The following PALD1 variants were observed in gnomAD, a reference collection of about 807,000 sequenced individuals.
The protein encoded by PALD1 is phosphatase domain containing paladin 1.
PALD1 carries 57 observed loss-of-function variants against 96.0 expected under a neutral mutation model. The ratio of observed to expected loss-of-function variants is 0.59; its 90% CI spans 0.48 to 0.74. The LOEUF (loss-of-function observed/expected upper bound fraction) is 0.74. Ranked by LOEUF, PALD1 falls within the 30% of genes least tolerant of loss-of-function variation. PALD1 has a pLI of 0.00. For missense variants in PALD1, 1,063 were observed against 1,143.7 expected (o/e 0.93, Z 1.02); for synonymous variants, 464 against 473.6 (o/e 0.98, Z 0.26).
chr10:70,558,843 G>T (rs1449322614), intron 18 of PALD1, among the ~76,000 whole-genome samples: 1 of 152,162 alleles, frequency 6.6e-6, no homozygotes, highest in Non-Finnish European at 1.5e-5. Flanking sequence ...GAGAAGTGCT[G>T]GTTGCAAGGA....
At position 70,568,369 on chromosome 10, in the gene PALD1, C is replaced by T. The variant is rs1168301729; in HGVS notation, c.*1636C>T. 1.3e-5 allele frequency: 2 copies of T among 149,624 alleles called. No homozygotes were observed. The highest frequency in any genetic ancestry group is 3.0e-5 in the Non-Finnish European group (2 of 67,734). 9.3% of individuals were successfully genotyped at this position (149,624 alleles called of 1,614,324 possible). A position where few individuals can be genotyped will look rare whatever the true frequency, so the allele number is the denominator to read the frequency against. On this transcript the variant is annotated 3_prime_UTR_variant, in exon 20 of 20. Coordinates refer to ENST00000263563, the MANE Select transcript of PALD1 (RefSeq NM_014431.3). ...GAGAATAATACTTGCCTACCTACCT[C>T]ACAGGGGTGTTGTGAGGATTCATTT...
At chr10:70,470,353 T>A in the PALD1 span, among the ~76,000 whole-genome samples, 21 of 152,146 alleles carry the variant, frequency 1.4e-4, no homozygotes, top group East Asian at 3.7e-3. Flanking sequence ...ATTATTAGAA[T>A]GTCAGAAATG....
At chr10:70,476,389 C>T (rs906056426), upstream of PALD1, among the ~76,000 whole-genome samples, 9 of 152,210 alleles carry the variant, frequency 5.9e-5, no homozygotes, top group South Asian at 2.1e-4. Flanking sequence ...CCCAGGCCCA[C>T]GGTGGGGCAG....
upstream of PALD1, among the ~76,000 whole-genome samples, chr10:70,477,188 A>G (rs1845840038): frequency 6.6e-6 from 1 of 152,154 alleles, no homozygotes; most frequent in South Asian, 2.1e-4. Context: ...GGGATGGGAT[A>G]TGGGGCTGTG....
intron 1 of PALD1, among the ~76,000 whole-genome samples, chr10:70,508,599 A>C (rs1364780826): frequency 1.3e-5 from 2 of 152,244 alleles, no homozygotes; most frequent in Non-Finnish European, 2.9e-5. Flanking sequence ...AGTGAGGAGC[A>C]GGAGAACCCT....
Position 70,520,695 on chromosome 10 carries a change from T to C in PALD1, c.-29-5228T>C, listed in dbSNP as rs561750118. ...TTCTTTTCTTTCTTTCTTTTTTTTT[T>C]TTTTTTTTTTTTTGCGGTGGAGTGT... On this transcript the variant is annotated intron_variant, in intron 1 of 19. Transcript: ENST00000263563. 9.1e-3 allele frequency among the ~76,000 whole-genome samples: 1,317 copies of C among 145,358 alleles called. 31 individuals are homozygous for C. The highest frequency in any genetic ancestry group is 0.032 in the African/African-American group (1,258 of 39,710).
chr10:70,560,113 T>A (rs1353992100), intron 18 of PALD1, among the ~76,000 whole-genome samples: 1 of 152,176 alleles, frequency 6.6e-6, no homozygotes, highest in East Asian at 1.9e-4. Context: ...TTTAGTGCAA[T>A]GTTTAATTGA....
At chr10:70,549,824 G>C (rs541522554) in intron 18 of PALD1, among the ~76,000 whole-genome samples, 89 of 152,350 alleles carry the variant, frequency 5.8e-4, no homozygotes, top group African/African-American at 2.0e-3. Context: ...GGGGCTGTTA[G>C]AGGTGGTCAC....
chr10:70,504,489 C>T (rs1459879560), intron 1 of PALD1, among the ~76,000 whole-genome samples: 3 of 152,236 alleles, frequency 2.0e-5, no homozygotes, highest in African/African-American at 4.8e-5. Flanking sequence ...TGCCACTGCA[C>T]TCCAGCCTGG....
intron 2 of PALD1, among the ~76,000 whole-genome samples, chr10:70,527,799 A>ATT (rs1846900115): frequency 8.6e-5 from 13 of 151,376 alleles, no homozygotes; most frequent in Admixed American, 3.3e-4. Context: ...CTTTTTTTAA[A>ATT]ATTTAAGTTC....
chr10:70,501,834 T>TGTGCGC lies in PALD1; in HGVS notation c.-30+22776_-30+22777insTGCGCG, dbSNP rs774868338. Among the ~76,000 whole-genome samples, 13 of 149,490 alleles carry TGTGCGC rather than the reference T, an allele frequency of 8.7e-5. No individual in the cohort carries two copies. The East Asian group carries it at 1.4e-3, about 16-fold the overall frequency. On this transcript the variant is annotated intron_variant, in intron 1 of 19. Transcript: ENST00000263563. Reference sequence around the variant, plus strand: ...TACTCTGTGTGTGTGTGTGTGTGTGTGCGTGCGTGCATGCATACCTGTGTT... The same window carrying TGTGCGC: ...TACTCTGTGTGTGTGTGTGTGTGTGTGTGCGCGCGTGCGTGCATGCATACCTGTGTT...
At chr10:70,491,602 A>G (rs1272995740) in intron 1 of PALD1, among the ~76,000 whole-genome samples, 1 of 152,182 alleles carries the variant, frequency 6.6e-6, no homozygotes, top group Non-Finnish European at 1.5e-5. Flanking sequence ...ACTTTTTGAA[A>G]TGACATTAAA....
the PALD1 span, among the ~76,000 whole-genome samples, chr10:70,468,251 G>A: frequency 4.6e-5 from 7 of 152,058 alleles, no homozygotes; most frequent in African/African-American, 1.7e-4. Context: ...CACCAGGTAA[G>A]GTTTTTTTTG....
intron 1 of PALD1, among the ~76,000 whole-genome samples, chr10:70,492,330 C>T (rs1191672270): frequency 1.3e-5 from 2 of 151,968 alleles, no homozygotes; most frequent in Admixed American, 6.6e-5. Context: ...AAGTCAAGGA[C>T]CTCTTTACAT....
At chr10:70,484,935 T>C (rs571317286) in intron 1 of PALD1, among the ~76,000 whole-genome samples, 1 of 152,334 alleles carries the variant, frequency 6.6e-6, no homozygotes, top group Non-Finnish European at 1.5e-5. Flanking sequence ...CCCATTCCAA[T>C]ATGCACACTT....
Position 70,540,978 on chromosome 10 carries a change from C to A in PALD1, c.1909-124C>A. The A allele has an allele frequency of 9.2e-7, 1 of 1,087,406 alleles. No homozygotes were observed. The highest frequency in any genetic ancestry group is 1.3e-6 in the Non-Finnish European group (1 of 757,572). 67.4% of individuals were successfully genotyped at this position (1,087,406 alleles called of 1,614,324 possible). On this transcript the variant is annotated intron_variant, in intron 15 of 19. Coordinates refer to ENST00000263563, the MANE Select transcript of PALD1 (RefSeq NM_014431.3). The surrounding 1 kb of genome is among the most constrained non-coding windows in gnomAD (Gnocchi z 4.2). ...GGTGAGTTTTGTTTGTGTGTGCAAG[C>A]TTGGGAGCCTGACAATTTCTGGCCC...
intron 1 of PALD1, among the ~76,000 whole-genome samples, chr10:70,505,105 A>G (rs1313361739): frequency 2.6e-5 from 4 of 152,246 alleles, no homozygotes; most frequent in Middle Eastern, 3.2e-3. Context: ...AAAAAGTCAC[A>G]TCTGTTACTA....
intron 10 of PALD1, among the ~76,000 whole-genome samples, chr10:70,535,097 G>A (rs1847081919): frequency 6.6e-6 from 1 of 152,190 alleles, no homozygotes; most frequent in Admixed American, 6.5e-5. Flanking sequence ...AGGGGCTGCT[G>A]GCCAGGGCTG....
At chr10:70,550,033 G>C (rs1414311141) in intron 18 of PALD1, among the ~76,000 whole-genome samples, 1 of 152,194 alleles carries the variant, frequency 6.6e-6, no homozygotes, top group Non-Finnish European at 1.5e-5. Flanking sequence ...AGTCATTCTG[G>C]GATATGGCCA....
Sources: allele counts gnomAD v4.1 joint callset (sites outside exome capture counted in the v4.1 genomes callset), GRCh38; gene constraint gnomAD v4.1.1; non-coding constraint Gnocchi (gnomAD v3.1); transcripts MANE v1.5; gene names NCBI Gene and HGNC (gene_info 2026-07-23, HGNC 2026-07-21).